The following MAP3K1 variants were observed in gnomAD, a reference collection of about 807,000 sequenced individuals.
MAP3K1 encodes MAP/ERK kinase kinase 1.
MAP3K1 carries 36 observed loss-of-function variants against 144.2 expected under a neutral mutation model. The observed-to-expected ratio is 0.25, with a 90% CI of 0.19 to 0.33. The LOEUF is 0.33. Among genes scored for constraint, MAP3K1 ranks in the 10% least tolerant of loss-of-function variants. MAP3K1 has a pLI of 1.00. For synonymous variants in MAP3K1, 718 were observed against 688.7 expected (o/e 1.04, Z -0.67); for missense variants, 1,650 against 1,881.9 (o/e 0.88, Z 2.28).
At chr5:56,861,781 TGA>T (rs1298490761) in intron 3 of MAP3K1, among the ~76,000 whole-genome samples, 1 of 152,068 alleles carries the variant, frequency 6.6e-6, no homozygotes, top group Non-Finnish European at 1.5e-5. Context: ...TAAATTCATG[TGA>T]GAGAGAGACT....
chr5:56,815,670 G>C lies in MAP3K1; in HGVS notation c.97G>C (p.Ala33Pro). 8 of 1,310,840 alleles carry C rather than the reference G, an allele frequency of 6.1e-6. No individual in the cohort carries two copies. Among genetic ancestry groups the C allele is most frequent in the Non-Finnish European group, 7.7e-6 (8 of 1,033,224 alleles). 81.2% of individuals were successfully genotyped at this position (1,310,840 alleles called of 1,614,324 possible). Residue 33 changes from alanine (A) to proline (P), a missense_variant, in exon 1 of 20, where the codon GCG becomes CCG. Transcript: ENST00000399503. ...AGGCGGCGGCGGAGGAGCCCTCAAG[G>C]CGAGCAGCGCGCCCGCGGCTGCCGC... The part of the protein sequence containing the change: ...EAGGGGGALK[A>P]SSAPAAAAGL...
intron 1 of MAP3K1, among the ~76,000 whole-genome samples, chr5:56,829,954 G>A (rs779531518): frequency 2.5e-4 from 38 of 152,176 alleles, no homozygotes; most frequent in South Asian, 2.1e-4. Flanking sequence ...GAAGACACAC[G>A]AGAACAAAGC....
intron 17 of MAP3K1, 52 bp downstream of exon 17, chr5:56,886,115 A>T: frequency 2.0e-6 from 3 of 1,506,230 alleles, no homozygotes; most frequent in Non-Finnish European, 2.8e-6. Context: ...TTAATTTTAA[A>T]ATTTGGGGCC....
chr5:56,880,939 TTAGAAA>T, intron 12 of MAP3K1, 137 bp downstream of exon 12: 1 of 1,044,834 alleles, frequency 9.6e-7, no homozygotes, highest in East Asian at 2.6e-5. Context: ...TGTGTTACAG[TTAGAAA>T]TGTGAATTAC....
intron 19 of MAP3K1, among the ~76,000 whole-genome samples, chr5:56,890,530 G>C (rs1748517750): frequency 6.6e-6 from 1 of 152,096 alleles, no homozygotes; most frequent in African/African-American, 2.4e-5. Context: ...ATATCTGCCA[G>C]AATTTTTAAT....
intron 11 of MAP3K1, among the ~76,000 whole-genome samples, chr5:56,879,564 T>TC (rs1748144559): frequency 9.4e-6 from 1 of 105,924 alleles, no homozygotes; most frequent in Non-Finnish European, 2.6e-5. Context: ...GACAGTTTTG[T>TC]CAAAAAATTT....
chr5:56,822,651 C>T (rs995982730), intron 1 of MAP3K1, among the ~76,000 whole-genome samples: 70 of 152,110 alleles, frequency 4.6e-4, no homozygotes, highest in African/African-American at 1.5e-3. Context: ...TCGATCCCCA[C>T]CCCAGTCTTA....
intron 3 of MAP3K1, among the ~76,000 whole-genome samples, chr5:56,863,467 A>G (rs1747581186): frequency 6.6e-6 from 1 of 152,200 alleles, no homozygotes. Flanking sequence ...CATCCATGCT[A>G]TAGCATGTGT....
chr5:56,847,433 C>T lies in MAP3K1; in HGVS notation c.483-9167C>T, dbSNP rs531734056. Among the ~76,000 whole-genome samples, 114 of 152,300 alleles carry T rather than the reference C, an allele frequency of 7.5e-4. 1 individual carries two copies. Among genetic ancestry groups the T allele is most frequent in the South Asian group, 6.8e-3 (33 of 4,830 alleles). On this transcript the variant is annotated intron_variant, in intron 1 of 19. Transcript: ENST00000399503. The stretch of plus-strand genomic sequence containing the variant: ...CCAACATGGTGAAACCCCATCTCTA[C>T]TAAAAATACAAAAATTAGCTGGGCG...
chr5:56,890,908 TAGTG>T (rs1748529404), intron 19 of MAP3K1, among the ~76,000 whole-genome samples: 1 of 149,830 alleles, frequency 6.7e-6, no homozygotes, highest in Non-Finnish European at 1.5e-5. Flanking sequence ...TAGCTGGGCA[TAGTG>T]AGACGCACCT....
At chr5:56,832,495 G>T (rs1168673499) in intron 1 of MAP3K1, among the ~76,000 whole-genome samples, 3 of 152,290 alleles carry the variant, frequency 2.0e-5, no homozygotes, top group East Asian at 1.9e-4. Context: ...CATCATCCTT[G>T]TGAATTTTGA....
In MAP3K1 at chr5:56,815,937, G is replaced by C. The variant is rs1024745686; in HGVS notation, c.364G>C (p.Ala122Pro). Reference sequence around the variant, plus strand: ...CCACGGAGCCGCGAGCCGCGGCGGCGCCCACCTTACCGAGTCGGTGGCGGC... The same window carrying C: ...CCACGGAGCCGCGAGCCGCGGCGGCCCCCACCTTACCGAGTCGGTGGCGGC... ...PPHGAASRGG[A>P]HLTESVAAPD... The change falls in exon 1 of 20, where the codon GCC (alanine) becomes CCC (proline). Residue 122 changes from alanine to proline, a missense_variant. By Grantham distance (27) the Ala-to-Pro change is conservative. This residue lies in a region of MAP3K1 where 360 missense variants were observed against 274.7 expected (regional missense o/e 1.31). Coordinates refer to ENST00000399503, the MANE Select transcript of MAP3K1 (RefSeq NM_005921.2). The C allele has an allele frequency of 7.9e-7, 1 of 1,263,172 alleles. No homozygotes were observed. The highest frequency in any genetic ancestry group is 1.6e-5 in the African/African-American group (1 of 63,992). 78.2% of individuals were successfully genotyped at this position (1,263,172 alleles called of 1,614,324 possible).
intron 1 of MAP3K1, among the ~76,000 whole-genome samples, chr5:56,830,684 T>G (rs887100979): frequency 1.3e-5 from 2 of 152,220 alleles, no homozygotes; most frequent in African/African-American, 4.8e-5. Flanking sequence ...GTCCTTCTGC[T>G]TTATACTTTG....
intron 1 of MAP3K1, chr5:56,820,418 A>T (rs1423615218): frequency 1.0e-6 from 1 of 984,620 alleles, no homozygotes; most frequent in Non-Finnish European, 1.2e-6. Flanking sequence ...TTTTGCAGGC[A>T]TTCTAATAGA....
In MAP3K1 at chr5:56,882,586, A is replaced by G. The variant is rs371664042; in HGVS notation, c.3386A>G (p.Asn1129Ser). ...KCRLDVNTEL[N>S]SSIEDLLEAS... ...AGATTAGATGTCAATACAGAGCTCA[A>G]CTCCAGTATTGAGGACCTTCTTGAA... Residue 1129 changes from asparagine to serine, a missense_variant, in exon 14 of 20, where the codon AAC becomes AGC. Coordinates refer to ENST00000399503, the MANE Select transcript of MAP3K1 (RefSeq NM_005921.2). 14 of 1,613,940 alleles carry G rather than the reference A, an allele frequency of 8.7e-6. No individual in the cohort carries two copies. Among genetic ancestry groups the G allele is most frequent in the African/African-American group, 6.7e-5 (5 of 74,888 alleles).
In MAP3K1 at chr5:56,872,963, A is replaced by G. The variant is rs56225368; in HGVS notation, c.1644A>G (p.Gln548=). ...NFNLTHYGTQ[Q]IPPAYKDLAE... is the part of the protein sequence containing the mutation. ...ACCTTACTCATTATGGAACTCAGCA[A>G]ATCCCTCCTGCTTACAAAGATTTAG... The change falls in exon 9 of 20, where the codon CAA becomes CAG. Residue 548 remains glutamine, a synonymous_variant. Transcript: ENST00000399503. 3.7e-3 allele frequency: 6,018 copies of G among 1,614,096 alleles called. 224 individuals carry two copies. The African/African-American group carries it at 0.073, about 20-fold the overall frequency.
intron 1 of MAP3K1, among the ~76,000 whole-genome samples, chr5:56,853,585 A>G (rs957653618): frequency 6.6e-6 from 1 of 152,186 alleles, no homozygotes; most frequent in Non-Finnish European, 1.5e-5. Flanking sequence ...TAAGAGAGGA[A>G]CAGTTTGCAA....
chr5:56,867,255 C>T (rs899558772), intron 6 of MAP3K1, among the ~76,000 whole-genome samples: 4 of 152,090 alleles, frequency 2.6e-5, no homozygotes, highest in Non-Finnish European at 4.4e-5. Context: ...TTTGGATTTG[C>T]ATATCCATGG....
At chr5:56,827,530 A>G (rs1487908599) in intron 1 of MAP3K1, among the ~76,000 whole-genome samples, 1 of 152,200 alleles carries the variant, frequency 6.6e-6, no homozygotes, top group South Asian at 2.1e-4. Flanking sequence ...TTTTGGAACT[A>G]CATGTTTCCA....
Sources: gnomAD v4.1 joint callset for allele counts (sites outside exome capture counted in the v4.1 genomes callset) on GRCh38, gnomAD v4.1.1 for gene constraint, gnomAD v4.1.1 regional missense constraint, MANE v1.5 for transcripts, NCBI Gene and HGNC (gene_info 2026-07-23, HGNC 2026-07-21) for gene names.